Variants in KIF16B observed in about 807,000 individuals in gnomAD.
The protein encoded by KIF16B is kinesin family member 16B.
A neutral mutation model predicts 156.3 loss-of-function variants in KIF16B; 98 were observed. The ratio of observed to expected loss-of-function variants is 0.63; its 90% CI spans 0.53 to 0.74. KIF16B has a LOEUF of 0.74. Among genes scored for constraint, KIF16B ranks in the 30% least tolerant of loss-of-function variants. The pLI, the probability that KIF16B is intolerant of heterozygous loss-of-function variation, is 0.00. For missense variants in KIF16B, 1,421 were observed against 1,606.5 expected, an observed-to-expected ratio of 0.88 and a Z score of 1.97; for synonymous variants, 564 against 583.7, an observed-to-expected ratio of 0.97 and a Z score of 0.49.
chr20:16,486,868 T>C (rs1326390391), intron 12 of KIF16B, among the ~76,000 whole-genome samples: 1 of 152,144 alleles, frequency 6.6e-6, no homozygotes, highest in Admixed American at 6.5e-5. Context: ...TCCTCCTTCA[T>C]CTAAAATCTA....
intron 17 of KIF16B, among the ~76,000 whole-genome samples, chr20:16,400,295 G>A (rs1280834247): frequency 1.3e-5 from 2 of 152,166 alleles, no homozygotes; most frequent in Non-Finnish European, 2.9e-5. Flanking sequence ...AAATAAAGAT[G>A]AAAAGAATAC....
At chr20:16,509,039 G>A (rs2068876087) in intron 6 of KIF16B, among the ~76,000 whole-genome samples, 1 of 151,992 alleles carries the variant, frequency 6.6e-6, no homozygotes, top group Admixed American at 6.6e-5. Flanking sequence ...ACATACACAA[G>A]CAATCATATT....
intron 24 of KIF16B, among the ~76,000 whole-genome samples, chr20:16,322,071 G>A (rs2063779456): frequency 6.6e-6 from 1 of 151,950 alleles, no homozygotes. Flanking sequence ...ACAAACAAAT[G>A]AGGATTACAA....
At chr20:16,397,645 G>A (rs918292498) in intron 17 of KIF16B, among the ~76,000 whole-genome samples, 72 of 152,260 alleles carry the variant, frequency 4.7e-4, no homozygotes, top group Middle Eastern at 3.4e-3. Context: ...GCTTTGTTCT[G>A]GGAAAAACTG....
At chr20:16,405,826 GC>G (rs1157691518) in intron 16 of KIF16B, among the ~76,000 whole-genome samples, 1 of 152,134 alleles carries the variant, frequency 6.6e-6, no homozygotes, top group Non-Finnish European at 1.5e-5. Flanking sequence ...CTAAGGACCA[GC>G]CACGATGTCC....
chr20:16,533,697 T>A (rs995165151), intron 1 of KIF16B, among the ~76,000 whole-genome samples: 1 of 152,210 alleles, frequency 6.6e-6, no homozygotes, highest in Non-Finnish European at 1.5e-5. Context: ...AGAGATGTCA[T>A]GTGAATGTCA....
At chr20:16,537,841 T>C (rs6044092) in intron 1 of KIF16B, among the ~76,000 whole-genome samples, 79,951 of 151,258 alleles carry the variant, frequency 0.53, 21,251 homozygotes, top group Non-Finnish European at 0.55. Flanking sequence ...GTAGCTGGGA[T>C]TACAGATGTG....
chr20:16,487,812 T>C (rs1298013181), intron 12 of KIF16B, among the ~76,000 whole-genome samples: 1 of 152,202 alleles, frequency 6.6e-6, no homozygotes, highest in African/African-American at 2.4e-5. Context: ...AGACGCCAGC[T>C]CAATTTAAAC....
chr20:16,543,564 G>T (rs540993785), intron 1 of KIF16B, among the ~76,000 whole-genome samples: 1 of 152,214 alleles, frequency 6.6e-6, no homozygotes, highest in Non-Finnish European at 1.5e-5. Flanking sequence ...GGTTCTAGTT[G>T]AGAAAATCTG....
chr20:16,376,125 TAC>T (rs748053993), intron 19 of KIF16B, among the ~76,000 whole-genome samples: 2 of 152,296 alleles, frequency 1.3e-5, no homozygotes, highest in African/African-American at 4.8e-5. Flanking sequence ...GGATCTGAGG[TAC>T]ACAGAGTTAT....
intron 1 of KIF16B, among the ~76,000 whole-genome samples, chr20:16,534,053 T>C (rs768565816): frequency 8.6e-5 from 13 of 151,002 alleles, no homozygotes; most frequent in Non-Finnish European, 1.3e-4. Flanking sequence ...AGGTCAGGAG[T>C]TCAAGACCAA....
At chr20:16,423,771 C>A (rs1050681194) in intron 15 of KIF16B, among the ~76,000 whole-genome samples, 18 of 152,154 alleles carry the variant, frequency 1.2e-4, no homozygotes, top group South Asian at 2.1e-4. Flanking sequence ...GCAGCAGGAC[C>A]TCTATCTGAG....
chr20:16,572,108 CTCT>C (rs2071479228), intron 1 of KIF16B, among the ~76,000 whole-genome samples: 1 of 152,158 alleles, frequency 6.6e-6, no homozygotes, highest in African/African-American at 2.4e-5. Flanking sequence ...AAAAGTCAAA[CTCT>C]TACTCTAAAC....
Position 16,404,890 on chromosome 20 carries a change from C to T in KIF16B, c.1707G>A (p.Leu569=), listed in dbSNP as rs1240225288. 6.2e-7 allele frequency: 1 copy of T among 1,613,116 alleles called. No individual in the cohort carries two copies. Among genetic ancestry groups the T allele is most frequent in the Non-Finnish European group, 8.5e-7 (1 of 1,179,468 alleles). Residue 569 remains leucine (L), a synonymous_variant, in exon 17 of 26, where the codon CTG becomes CTA. Transcript: ENST00000354981. ...CGGTCATGGACAAGCTGAAGGAGGA[C>T]AGAAGGCCACTCTAAGGGCAGACAC... ...KLREKRKSGL[L]SSFSLSMTDL... is the part of the protein sequence containing the mutation.
In KIF16B at chr20:16,511,411, C is replaced by T. The variant is rs752413768; in HGVS notation, c.556+7G>A. The T allele has an allele frequency of 1.3e-6, 2 of 1,496,666 alleles. No individual in the cohort carries two copies. The highest frequency in any genetic ancestry group is 1.2e-5 in the South Asian group (1 of 82,820). 92.7% of individuals were successfully genotyped at this position (1,496,666 alleles called of 1,614,324 possible). ...AAAGAATATGGCTGTGAAATATCTA[C>T]TCTTACCCTCAACATAAGGGCCTTC... On this transcript the variant is annotated splice_region_variant and intron_variant, in intron 6 of 25. Coordinates refer to ENST00000354981, the MANE Select transcript of KIF16B (RefSeq NM_024704.5).
At chr20:16,466,654 C>A (rs777814093) in intron 12 of KIF16B, among the ~76,000 whole-genome samples, 1 of 152,186 alleles carries the variant, frequency 6.6e-6, no homozygotes, top group Non-Finnish European at 1.5e-5. Flanking sequence ...AACTGTGAGT[C>A]CATTAAACAT....
At chr20:16,358,141 A>G (rs531236419) in intron 22 of KIF16B, among the ~76,000 whole-genome samples, 1 of 152,224 alleles carries the variant, frequency 6.6e-6, no homozygotes, top group Middle Eastern at 3.4e-3. Context: ...GTGAGCTGAG[A>G]TCACGCCACT....
At chr20:16,539,088 T>A (rs2070093822) in intron 1 of KIF16B, among the ~76,000 whole-genome samples, 1 of 151,970 alleles carries the variant, frequency 6.6e-6, no homozygotes, top group Admixed American at 6.6e-5. Context: ...AATTACCCAA[T>A]CTTAGGTATT....
At chr20:16,382,569 T>C (rs1285446417) in intron 17 of KIF16B, among the ~76,000 whole-genome samples, 3 of 152,214 alleles carry the variant, frequency 2.0e-5, no homozygotes, top group Admixed American at 1.3e-4. Context: ...TAAAGTGATT[T>C]AGGTCATTGG....
Sources: allele counts gnomAD v4.1 joint callset (sites outside exome capture counted in the v4.1 genomes callset), GRCh38; gene constraint gnomAD v4.1.1; transcripts MANE v1.5; gene names NCBI Gene and HGNC (gene_info 2026-07-23, HGNC 2026-07-21).